The following PTPRR variants were observed in gnomAD, a reference collection of about 807,000 sequenced individuals.
PTPRR encodes protein tyrosine phosphatase receptor type R.
Under a neutral mutation model 77.2 loss-of-function variants are expected in PTPRR, and 38 were observed. That is an observed-to-expected ratio of 0.49 (90% CI 0.38 to 0.65). PTPRR has a LOEUF of 0.65. Among genes scored for constraint, PTPRR ranks in the 30% least tolerant of loss-of-function variants. The pLI is 0.00. For missense variants in PTPRR, 744 were observed against 799.2 expected, an observed-to-expected ratio of 0.93 and a Z score of 0.83; for synonymous variants, 299 against 283.1, an observed-to-expected ratio of 1.06 and a Z score of -0.57.
rs987383656 is a variant in PTPRR at position 70,839,207 on chromosome 12, C to T, written c.357+53472G>A. ...CTCTGGATAAACTCATAGATCAGAA[C>T]TATCCCACCTACCTGGTCTGCCTGC... On this transcript the variant is annotated intron_variant, in intron 2 of 13. Coordinates refer to ENST00000283228, the MANE Select transcript of PTPRR (RefSeq NM_002849.4). Among the ~76,000 whole-genome samples, 5 of 152,270 alleles carry T rather than the reference C, an allele frequency of 3.3e-5. No homozygotes were observed. In the South Asian group the frequency reaches 1.0e-3, roughly 32 times the overall value.
chr12:70,906,146 G>A (rs926191170), intron 1 of PTPRR, among the ~76,000 whole-genome samples: 3 of 151,872 alleles, frequency 2.0e-5, no homozygotes, highest in Admixed American at 6.6e-5. Flanking sequence ...ATAAAGGAAG[G>A]ACCTAGATTC....
intron 10 of PTPRR, among the ~76,000 whole-genome samples, chr12:70,674,552 T>C (rs1346583342): frequency 6.6e-6 from 1 of 152,168 alleles, no homozygotes; most frequent in African/African-American, 2.4e-5. Flanking sequence ...TATTTTTTAA[T>C]CTTATCTTTC....
At chr12:70,718,502 TG>T (rs879666187) in intron 6 of PTPRR, among the ~76,000 whole-genome samples, 1 of 152,132 alleles carries the variant, frequency 6.6e-6, no homozygotes, top group Non-Finnish European at 1.5e-5. Context: ...CCTGACCTCG[TG>T]ATCCGCCTGC....
At chr12:70,895,108 A>G (rs1297020247) in intron 1 of PTPRR, among the ~76,000 whole-genome samples, 1 of 151,686 alleles carries the variant, frequency 6.6e-6, no homozygotes, top group Non-Finnish European at 1.5e-5. Flanking sequence ...GGTGAAACAG[A>G]GTTGCTGAAG....
At chr12:70,766,702 C>T (rs1405847952) in intron 2 of PTPRR, among the ~76,000 whole-genome samples, 2 of 151,226 alleles carry the variant, frequency 1.3e-5, no homozygotes, top group Non-Finnish European at 2.9e-5. Context: ...AACTCCAAGA[C>T]ACATAATTGT....
At chr12:70,893,877 A>G (rs1276304929) in intron 1 of PTPRR, among the ~76,000 whole-genome samples, 1 of 151,928 alleles carries the variant, frequency 6.6e-6, no homozygotes, top group East Asian at 1.9e-4. Flanking sequence ...CTATTATTTT[A>G]AGTATCTTTG....
chr12:70,905,768 C>CTTAA (rs1893612273), intron 1 of PTPRR, among the ~76,000 whole-genome samples: 4 of 151,932 alleles, frequency 2.6e-5, no homozygotes, highest in Admixed American at 2.6e-4. Flanking sequence ...ATTGCAAGTA[C>CTTAA]TTAAGTCAAT....
chr12:70,732,880 T>TA (rs397937981), intron 6 of PTPRR, among the ~76,000 whole-genome samples: 22 of 152,216 alleles, frequency 1.4e-4, no homozygotes, highest in East Asian at 3.9e-4. Flanking sequence ...TTTATTTTTT[T>TA]AAAACATATT....
Position 70,745,701 on chromosome 12 carries a change from T to C in PTPRR, c.1007+117A>G, listed in dbSNP as rs1890189624. 3 of 1,189,082 alleles carry C rather than the reference T, an allele frequency of 2.5e-6. No homozygotes were observed. In the South Asian group the frequency reaches 4.6e-5, roughly 18 times the overall value. The allele number at this position is 1,189,082 out of a possible 1,614,324, so 73.7% of individuals were successfully genotyped here. On this transcript the variant is annotated intron_variant, in intron 6 of 13. Transcript: ENST00000283228. ...AAACACTACTTCATCTGACTGTCCA[T>C]TTAGTGGTGAACAATTCTACCCAAT... is the stretch of plus-strand genomic sequence containing the variant.
At chr12:70,899,459 AAGAG>A (rs1450445973) in intron 1 of PTPRR, among the ~76,000 whole-genome samples, 2 of 151,426 alleles carry the variant, frequency 1.3e-5, no homozygotes, top group Non-Finnish European at 1.5e-5. Context: ...TGAGAGTCTA[AAGAG>A]GAAAAATAAT....
chr12:70,698,057 T>A (rs935535829), intron 8 of PTPRR, among the ~76,000 whole-genome samples: 3 of 152,094 alleles, frequency 2.0e-5, no homozygotes, highest in African/African-American at 7.2e-5. Flanking sequence ...GTCTTGTGCT[T>A]TACAATGTAA....
chr12:70,659,768 G>C (rs1355608492), intron 12 of PTPRR, among the ~76,000 whole-genome samples: 3 of 152,030 alleles, frequency 2.0e-5, no homozygotes, highest in Admixed American at 1.3e-4. Flanking sequence ...CAAAAAAGGA[G>C]GCTAAAATTA....
At chr12:70,801,531 C>A (rs568446928) in intron 2 of PTPRR, among the ~76,000 whole-genome samples, 1 of 152,194 alleles carries the variant, frequency 6.6e-6, no homozygotes, top group Non-Finnish European at 1.5e-5. Context: ...CGCTCTTGTA[C>A]GTGGATTCAG....
chr12:70,643,449 A>G (rs2136640164), intron 13 of PTPRR, among the ~76,000 whole-genome samples: 1 of 152,300 alleles, frequency 6.6e-6, no homozygotes, highest in East Asian at 1.9e-4. Context: ...TGCTGGGATT[A>G]CAGGCATGAG....
intron 6 of PTPRR, among the ~76,000 whole-genome samples, chr12:70,741,695 G>T (rs530349036): frequency 6.6e-6 from 1 of 152,268 alleles, no homozygotes; most frequent in South Asian, 2.1e-4. Flanking sequence ...CCAGAGTAGG[G>T]TTTTCTATTC....
chr12:70,756,132 A>AT (rs11318283), intron 4 of PTPRR, among the ~76,000 whole-genome samples: 21 of 151,144 alleles, frequency 1.4e-4, no homozygotes, highest in Admixed American at 2.6e-4. Flanking sequence ...GATTTGGTTC[A>AT]TTTTTTTTTC....
intron 6 of PTPRR, among the ~76,000 whole-genome samples, chr12:70,717,208 A>C (rs1443151875): frequency 6.6e-6 from 1 of 152,176 alleles, no homozygotes; most frequent in East Asian, 1.9e-4. Flanking sequence ...TCTGATACTC[A>C]ATAATGACAT....
chr12:70,660,976 G>T lies in PTPRR; in HGVS notation c.1730C>A (p.Ala577Asp). ...LMLDVEEDRL[A>D]SQGRGPVVVH... ...AACCACAGGCCCTCGGCCCTGGGAA[G>T]CAAGTCTGTCTTCTTCTACATCCAG... The change falls in exon 12 of 14, where the codon GCT becomes GAT. Residue 577 changes from alanine to aspartate, a missense_variant. Ala to Asp is a moderately radical substitution (Grantham distance 126). Coordinates refer to ENST00000283228, the MANE Select transcript of PTPRR (RefSeq NM_002849.4). The T allele has an allele frequency of 1.2e-6, 2 of 1,613,896 alleles. No homozygotes were observed. Among genetic ancestry groups the T allele is most frequent in the Admixed American group, 3.3e-5 (2 of 59,996 alleles).
intron 2 of PTPRR, among the ~76,000 whole-genome samples, chr12:70,874,376 T>C (rs1893013674): frequency 6.6e-6 from 1 of 152,000 alleles, no homozygotes; most frequent in African/African-American, 2.4e-5. Context: ...GTCAGGAAAC[T>C]CACAAAGCTA....
Sources: gnomAD v4.1 joint callset for allele counts (sites outside exome capture counted in the v4.1 genomes callset) on GRCh38, gnomAD v4.1.1 for gene constraint, MANE v1.5 for transcripts, NCBI Gene and HGNC (gene_info 2026-07-23, HGNC 2026-07-21) for gene names.